Variants in VPS8 observed in about 807,000 individuals in gnomAD.
VPS8 encodes vacuolar protein sorting-associated protein 8 homolog.
A neutral mutation model predicts 216.4 loss-of-function variants in VPS8; 129 were observed. The observed-to-expected ratio is 0.60, with a 90% confidence interval of 0.52 to 0.69. The LOEUF is 0.69. Ranked by LOEUF, VPS8 falls within the 30% of genes least tolerant of loss-of-function variation. VPS8 has a pLI of 0.00. For missense variants in VPS8, 1,531 were observed against 1,683.5 expected (o/e 0.91, Z 1.59); for synonymous variants, 571 against 565.4 (o/e 1.01, Z -0.14).
At chr3:185,042,742 T>C (rs2108513181) in intron 46 of VPS8, among the ~76,000 whole-genome samples, 1 of 152,302 alleles carries the variant, frequency 6.6e-6, no homozygotes, top group East Asian at 1.9e-4. Flanking sequence ...AGGAGCTACA[T>C]TCGTTCTCTA....
At chr3:184,892,816 C>T (rs1732618425) in intron 22 of VPS8, among the ~76,000 whole-genome samples, 1 of 152,100 alleles carries the variant, frequency 6.6e-6, no homozygotes, top group Non-Finnish European at 1.5e-5. Flanking sequence ...TAATTCTCTC[C>T]CCAAGGCTTT....
chr3:184,900,946 C>T lies in VPS8; in HGVS notation c.2120C>T (p.Pro707Leu), dbSNP rs373681052. Residue 707 changes from proline to leucine, a missense_variant, in exon 25 of 48, where the codon CCT (proline) becomes CTT (leucine). By Grantham distance (98) the Pro-to-Leu change is moderately conservative. This residue lies in a region of VPS8 where 1,318 missense variants were observed against 1,468.4 expected (regional missense o/e 0.90). Coordinates refer to ENST00000625842, the MANE Select transcript of VPS8 (RefSeq NM_001009921.3). ...AAACTTTTCAGAGTCATTGCTCCTC[C>T]TCTGAATGCAGGAAAAACACTAACA... Reference protein sequence around the residue: ...MEKLFRVIAPPLNAGKTLTDE... With the variant: ...MEKLFRVIAPLLNAGKTLTDE... The T allele has an allele frequency of 6.2e-7, 1 of 1,607,018 alleles. No homozygotes were observed. Among genetic ancestry groups the T allele is most frequent in the Non-Finnish European group, 8.5e-7 (1 of 1,178,438 alleles).
At chr3:184,891,179 T>C (rs1381716510) in intron 22 of VPS8, among the ~76,000 whole-genome samples, 1 of 152,192 alleles carries the variant, frequency 6.6e-6, no homozygotes, top group Non-Finnish European at 1.5e-5. Flanking sequence ...TGAGTTTATA[T>C]CACTGTAAGG....
chr3:184,938,026 T>C (rs1741943944), intron 35 of VPS8, among the ~76,000 whole-genome samples: 1 of 152,154 alleles, frequency 6.6e-6, no homozygotes, highest in Admixed American at 6.5e-5. Flanking sequence ...GAACTTCGGA[T>C]AGCAGTGGGG....
At chr3:184,992,315 G>C (rs1219055793) in intron 42 of VPS8, among the ~76,000 whole-genome samples, 1 of 152,098 alleles carries the variant, frequency 6.6e-6, no homozygotes, top group Non-Finnish European at 1.5e-5. Context: ...TGTTTCTCGT[G>C]TTTTCCAGCA....
chr3:184,877,652 C>T (rs147476284), intron 21 of VPS8, among the ~76,000 whole-genome samples: 260 of 152,214 alleles, frequency 1.7e-3, no homozygotes, highest in Middle Eastern at 3.4e-3. Flanking sequence ...ATCATTGAAC[C>T]GGTGAATAGA....
chr3:184,869,535 A>G lies in VPS8; in HGVS notation c.1644+7A>G, dbSNP rs574866360. The G allele has an allele frequency of 6.2e-7, 1 of 1,613,068 alleles. No homozygotes were observed. Among genetic ancestry groups the G allele is most frequent in the African/African-American group, 1.3e-5 (1 of 74,974 alleles). ...GGCTATTGTTGCAGACCGGGTGAGT[A>G]TTTTAAGAGGGTCTTTACTAGAATA... On this transcript the variant is annotated splice_region_variant and intron_variant, in intron 20 of 47. Transcript: ENST00000625842.
chr3:184,816,949 T>G (rs1716457126), intron 1 of VPS8, among the ~76,000 whole-genome samples: 1 of 152,208 alleles, frequency 6.6e-6, no homozygotes, highest in African/African-American at 2.4e-5. Context: ...CTCCTTCCCG[T>G]TGCTGAAGAT....
intron 36 of VPS8, among the ~76,000 whole-genome samples, chr3:184,954,696 G>C (rs1745275545): frequency 6.6e-6 from 1 of 152,144 alleles, no homozygotes; most frequent in African/African-American, 2.4e-5. Flanking sequence ...TATAGCCCTA[G>C]TCCCTGTAGT....
chr3:185,017,814 G>C (rs577863355), intron 45 of VPS8, among the ~76,000 whole-genome samples: 7 of 152,140 alleles, frequency 4.6e-5, no homozygotes, highest in African/African-American at 1.7e-4. Flanking sequence ...GAAAGGTCCC[G>C]GTTTGGAATG....
chr3:184,900,360 G>T (rs1734260764), intron 24 of VPS8, among the ~76,000 whole-genome samples: 1 of 152,234 alleles, frequency 6.6e-6, no homozygotes, highest in Admixed American at 6.5e-5. Flanking sequence ...GTAGCACGTA[G>T]TTAGGTCTTC....
chr3:184,955,728 GTC>G (rs1392749913), intron 36 of VPS8, among the ~76,000 whole-genome samples: 1 of 152,094 alleles, frequency 6.6e-6, no homozygotes, highest in Non-Finnish European at 1.5e-5. Flanking sequence ...CCAATGTACT[GTC>G]TACATTCATT....
intron 42 of VPS8, among the ~76,000 whole-genome samples, chr3:184,993,220 A>C (rs1320605839): frequency 6.6e-6 from 1 of 152,192 alleles, no homozygotes; most frequent in Non-Finnish European, 1.5e-5. Context: ...TAAAAAATAC[A>C]TCCCTCTTTC....
At chr3:185,027,922 T>C (rs1757617046) in intron 46 of VPS8, among the ~76,000 whole-genome samples, 1 of 152,212 alleles carries the variant, frequency 6.6e-6, no homozygotes, top group South Asian at 2.1e-4. Flanking sequence ...CTCTAAAATA[T>C]TTTATTCAAT....
At chr3:185,043,390 C>G (rs548856065) in intron 46 of VPS8, among the ~76,000 whole-genome samples, 2 of 152,316 alleles carry the variant, frequency 1.3e-5, no homozygotes, top group East Asian at 3.9e-4. Context: ...TTCTCCATTT[C>G]CCTTCCCAGC....
At chr3:184,960,113 T>A (rs1405258871) in intron 37 of VPS8, among the ~76,000 whole-genome samples, 1 of 152,150 alleles carries the variant, frequency 6.6e-6, no homozygotes, top group East Asian at 1.9e-4. Flanking sequence ...CTTGCGATAG[T>A]TTGCTGAGAA....
chr3:184,927,799 C>A (rs1177690176), intron 31 of VPS8, among the ~76,000 whole-genome samples: 1 of 152,162 alleles, frequency 6.6e-6, no homozygotes, highest in African/African-American at 2.4e-5. Context: ...ACCTTAGGTC[C>A]CTCACGTAAG....
chr3:184,908,245 C>T (rs1560621827), intron 25 of VPS8, among the ~76,000 whole-genome samples: 3 of 152,116 alleles, frequency 2.0e-5, no homozygotes, highest in Admixed American at 1.3e-4. Context: ...AGTGACAATT[C>T]GCTGAGGATG....
intron 21 of VPS8, among the ~76,000 whole-genome samples, chr3:184,883,380 G>A (rs1336161751): frequency 6.6e-6 from 1 of 152,148 alleles, no homozygotes; most frequent in Non-Finnish European, 1.5e-5. Flanking sequence ...CAAAGTGAAG[G>A]TGTTCCTCAG....
Sources: allele counts gnomAD v4.1 joint callset (sites outside exome capture counted in the v4.1 genomes callset), GRCh38; gene constraint gnomAD v4.1.1; regional missense constraint gnomAD v4.1.1; transcripts MANE v1.5; gene names NCBI Gene and HGNC (gene_info 2026-07-23, HGNC 2026-07-21).